The following USP50 variants were observed in gnomAD, a reference collection of about 807,000 sequenced individuals.
The protein encoded by USP50 is ubiquitin specific peptidase 50, also known as ubiquitin carboxyl-terminal hydrolase 50.
USP50 carries 37 observed loss-of-function variants against 39.2 expected under a neutral mutation model. That is an observed-to-expected ratio of 0.94 (90% CI 0.73 to 1.24). The LOEUF (loss-of-function observed/expected upper bound fraction) is 1.24. USP50 is among the 50% of genes most tolerant of loss of function. USP50 has a pLI of 0.00. For synonymous variants in USP50, 139 were observed against 144.5 expected (o/e 0.96, Z 0.27); for missense variants, 374 against 398.2 (o/e 0.94, Z 0.52).
At chr15:50,542,449 T>C (rs2053036509) in intron 3 of USP50, among the ~76,000 whole-genome samples, 1 of 151,600 alleles carries the variant, frequency 6.6e-6, no homozygotes. Context: ...AGTGCTGCCA[T>C]GAATATGTTT....
downstream of USP50, chr15:50,499,109 A>G (rs2052523090): frequency 6.4e-7 from 1 of 1,560,110 alleles, no homozygotes; most frequent in Middle Eastern, 1.9e-4. Context: ...GTTATAAACT[A>G]GTTATCTTTT....
chr15:50,529,011 T>C (rs139915221), intron 6 of USP50, among the ~76,000 whole-genome samples: 29 of 152,292 alleles, frequency 1.9e-4, no homozygotes, highest in Non-Finnish European at 3.8e-4. Flanking sequence ...TTGGGGATGG[T>C]TGATATGAGT....
downstream of USP50, chr15:50,498,921 G>T: frequency 6.2e-7 from 1 of 1,611,324 alleles, no homozygotes; most frequent in African/African-American, 1.3e-5. Flanking sequence ...CGGTGGGCTG[G>T]ATGGAGGCCA....
At position 50,525,548 on chromosome 15, in the gene USP50, A is replaced by ATAGATG. The variant is rs2052883224; in HGVS notation, c.936+4248_936+4249insCATCTA. 5.7e-5 allele frequency among the ~76,000 whole-genome samples: 5 copies of ATAGATG among 87,044 alleles called. No homozygotes were observed. The South Asian group carries it at 1.7e-3, about 29-fold the overall frequency. 57.1% of individuals were successfully genotyped at this position (87,044 alleles called of 152,430 possible). A position where few individuals can be genotyped will look rare whatever the true frequency, so the allele number is the denominator to read the frequency against. On this transcript the variant is annotated intron_variant, in intron 6 of 6. Transcript: ENST00000532404. ...TATGTATATGTATATGTATATATGTATATATGTGTATATATGTATATATGT... is the reference window on the plus strand; with the variant it reads ...TATGTATATGTATATGTATATATGTATAGATGTATATGTGTATATATGTATATATGT...
intron 6 of USP50, among the ~76,000 whole-genome samples, chr15:50,522,789 G>A (rs2052860276): frequency 6.6e-6 from 1 of 152,112 alleles, no homozygotes. Flanking sequence ...GGGACTACAG[G>A]TGTGTGCCAC....
chr15:50,525,707 GTA>G (rs1491023005), intron 6 of USP50, among the ~76,000 whole-genome samples: 2 of 129,920 alleles, frequency 1.5e-5, no homozygotes, highest in African/African-American at 6.2e-5. Flanking sequence ...GTATATATAT[GTA>G]TATATGTATA....
intron 5 of USP50, among the ~76,000 whole-genome samples, chr15:50,536,109 G>A (rs1221815709): frequency 6.6e-6 from 1 of 152,106 alleles, no homozygotes; most frequent in African/African-American, 2.4e-5. Flanking sequence ...TTTCAACATT[G>A]TATTAGAAGA....
intron 6 of USP50, chr15:50,507,656 G>A (rs899341237): frequency 1.3e-5 from 2 of 152,056 alleles, no homozygotes; most frequent in African/African-American, 4.8e-5. Flanking sequence ...CCATCATAAT[G>A]GAAGATTTCA....
intron 6 of USP50, among the ~76,000 whole-genome samples, chr15:50,514,821 C>T (rs1596008910): frequency 1.3e-5 from 2 of 151,874 alleles, no homozygotes; most frequent in African/African-American, 2.4e-5. Context: ...AGCCACCACC[C>T]CTGGCCTACA....
chr15:50,522,013 A>G (rs1284039025), intron 6 of USP50, among the ~76,000 whole-genome samples: 1 of 152,166 alleles, frequency 6.6e-6, no homozygotes, highest in East Asian at 1.9e-4. Flanking sequence ...TAACACAAAT[A>G]TAAAGGATCC....
chr15:50,500,021 T>TAA, downstream of USP50: 1 of 152,236 alleles, frequency 6.6e-6, no homozygotes, highest in African/African-American at 2.4e-5. Flanking sequence ...TTAAGAGGGT[T>TAA]AAAGGAGCTT....
At chr15:50,493,421 A>AAAGTCAAATTAGG (rs766489857), downstream of USP50, 10 of 519,080 alleles carry the variant, frequency 1.9e-5, no homozygotes, top group East Asian at 3.8e-4. Context: ...CAGCTCCAGA[A>AAAGTCAAATTAGG]AAGTCAAATT....
At chr15:50,539,549 G>C (rs576715018) in intron 4 of USP50, among the ~76,000 whole-genome samples, 1 of 151,908 alleles carries the variant, frequency 6.6e-6, no homozygotes, top group Non-Finnish European at 1.5e-5. Context: ...CCAAGTAGCC[G>C]AGACTACAGG....
intron 6 of USP50, chr15:50,506,012 T>C (rs2052653108): frequency 6.6e-6 from 1 of 152,358 alleles, no homozygotes. Context: ...TACAGTGTTC[T>C]AAGAGCTTTC....
chr15:50,542,689 G>A (rs550796307), intron 3 of USP50, among the ~76,000 whole-genome samples: 2 of 151,698 alleles, frequency 1.3e-5, no homozygotes, highest in Admixed American at 1.3e-4. Flanking sequence ...GGGTTTCACC[G>A]TGTTAGCCAG....
chr15:50,545,632 A>ATG (rs2053065248), intron 1 of USP50, among the ~76,000 whole-genome samples: 1 of 150,012 alleles, frequency 6.7e-6, no homozygotes, highest in Non-Finnish European at 1.5e-5. Context: ...AAGAGCATGA[A>ATG]TATATATATC....
chr15:50,522,358 G>T (rs938118277), intron 6 of USP50, among the ~76,000 whole-genome samples: 3 of 152,316 alleles, frequency 2.0e-5, no homozygotes, highest in Non-Finnish European at 2.9e-5. Flanking sequence ...CCAGGAGAAG[G>T]TTGCAGAATA....
chr15:50,499,202 G>C, downstream of USP50: 1 of 1,023,930 alleles, frequency 9.8e-7, no homozygotes, highest in Non-Finnish European at 1.4e-6. Context: ...TTCTAGGACA[G>C]TGGGAGCTGT....
chr15:50,510,031 GAATT>G (rs1351396516), intron 6 of USP50: 12 of 152,012 alleles, frequency 7.9e-5, no homozygotes, highest in South Asian at 2.1e-4. Context: ...GCTAAATTAA[GAATT>G]AATTCAATAT....
Sources: allele counts gnomAD v4.1 joint callset (sites outside exome capture counted in the v4.1 genomes callset), GRCh38; gene constraint gnomAD v4.1.1; transcripts MANE v1.5; gene names NCBI Gene and HGNC (gene_info 2026-07-23, HGNC 2026-07-21).